Variants in ZMYM2 observed in about 807,000 individuals in gnomAD.
ZMYM2 encodes the protein zinc finger MYM-type containing 2, also known as zinc finger MYM-type protein 2.
A neutral mutation model predicts 162.8 loss-of-function variants in ZMYM2; 56 were observed. That is an observed-to-expected ratio of 0.34 (90% CI 0.28 to 0.43). The LOEUF (loss-of-function observed/expected upper bound fraction) is 0.43. Ranked by LOEUF, ZMYM2 falls within the 20% of genes least tolerant of loss-of-function variation. The pLI, the probability that ZMYM2 is intolerant of heterozygous loss-of-function variation, is 1.00. For synonymous variants in ZMYM2, 510 were observed against 541.6 expected, an observed-to-expected ratio of 0.94 and a Z score of 0.81; for missense variants, 1,275 against 1,621.8, an observed-to-expected ratio of 0.79 and a Z score of 3.67.
the ZMYM2 span, among the ~76,000 whole-genome samples, chr13:19,866,729 C>T: frequency 6.6e-6 from 1 of 151,902 alleles, no homozygotes; most frequent in East Asian, 1.9e-4. Flanking sequence ...GACCCAGTCT[C>T]TACAAAAAAT....
At chr13:19,984,606 C>CT (rs1215455209) in intron 2 of ZMYM2, among the ~76,000 whole-genome samples, 3 of 152,096 alleles carry the variant, frequency 2.0e-5, no homozygotes, top group African/African-American at 7.2e-5. Flanking sequence ...AGAGTGGCGG[C>CT]TACATGGAGT....
the ZMYM2 span, among the ~76,000 whole-genome samples, chr13:19,924,878 C>CT: frequency 9.3e-3 from 1,278 of 136,716 alleles, 15 homozygotes; most frequent in African/African-American, 0.021. Context: ...TTTATTGAAA[C>CT]TTTTTTTTTT....
chr13:19,867,367 GTGT>G, the ZMYM2 span, among the ~76,000 whole-genome samples: 1 of 144,478 alleles, frequency 6.9e-6, no homozygotes, highest in East Asian at 2.0e-4. Flanking sequence ...AAAAAAAAAA[GTGT>G]TGTCTTACAA....
At chr13:19,916,052 G>A in the ZMYM2 span, among the ~76,000 whole-genome samples, 1 of 151,764 alleles carries the variant, frequency 6.6e-6, no homozygotes, top group Non-Finnish European at 1.5e-5. Context: ...TAGCAGAGAT[G>A]AGGTTTCACC....
In ZMYM2 at chr13:19,993,665, A is replaced by G. The variant is rs747447389; in HGVS notation, c.593A>G (p.Asn198Ser). The G allele has an allele frequency of 8.1e-6, 13 of 1,614,052 alleles. No homozygotes were observed. Among genetic ancestry groups the G allele is most frequent in the Non-Finnish European group, 1.1e-5 (13 of 1,179,900 alleles). ...TTAGAAACAGGTGTAAGCTCTGTGA[A>G]TGATGGCCAATTAGAAAATACTGAC... Reference protein sequence around the residue: ...TTLETGVSSVNDGQLENTDGR... With the variant: ...TTLETGVSSVSDGQLENTDGR... The change falls in exon 3 of 25, where the codon AAT becomes AGT. Residue 198 changes from asparagine (N) to serine (S), a missense_variant. Transcript: ENST00000610343.
At chr13:20,054,895 A>T (rs1272552701) in intron 14 of ZMYM2, among the ~76,000 whole-genome samples, 1 of 152,018 alleles carries the variant, frequency 6.6e-6, no homozygotes, top group African/African-American at 2.4e-5. Context: ...GGCATAAGAG[A>T]TTGAGTGACT....
chr13:19,891,255 G>C, the ZMYM2 span, among the ~76,000 whole-genome samples: 1 of 151,844 alleles, frequency 6.6e-6, no homozygotes, highest in Non-Finnish European at 1.5e-5. Flanking sequence ...CATGCACATG[G>C]AGAAGAGGCC....
At chr13:19,958,006 AG>A (rs1177169496), upstream of ZMYM2, among the ~76,000 whole-genome samples, 1 of 152,200 alleles carries the variant, frequency 6.6e-6, no homozygotes, top group Non-Finnish European at 1.5e-5. Flanking sequence ...TTTGGTTTTT[AG>A]GGGGTCCCAA....
At position 20,031,452 on chromosome 13, in the gene ZMYM2, A is replaced by G. The variant is rs777498986; in HGVS notation, c.1968+17A>G. On this transcript the variant is annotated intron_variant, in intron 10 of 24. Coordinates refer to ENST00000610343, the MANE Select transcript of ZMYM2 (RefSeq NM_197968.4). ...GAATGGGAGGCAAGTTGTATTTTGT[A>G]ATGTGTGTTATCTAATGCTAAAAAG... The G allele has an allele frequency of 2.7e-5, 41 of 1,514,902 alleles. 1 individual carries two copies. The South Asian group carries it at 4.7e-4, about 17-fold the overall frequency. 93.8% of individuals were successfully genotyped at this position (1,514,902 alleles called of 1,614,324 possible). A position where few individuals can be genotyped will look rare whatever the true frequency, so the allele number is the denominator to read the frequency against.
intron 12 of ZMYM2, among the ~76,000 whole-genome samples, chr13:20,043,856 G>A (rs1426622984): frequency 6.6e-6 from 1 of 152,122 alleles, no homozygotes; most frequent in Non-Finnish European, 1.5e-5. Flanking sequence ...TGCAGTGTGG[G>A]GAGGGAATGG....
At chr13:19,957,365 G>C (rs1442491858), upstream of ZMYM2, among the ~76,000 whole-genome samples, 1 of 152,218 alleles carries the variant, frequency 6.6e-6, no homozygotes, top group Non-Finnish European at 1.5e-5. Context: ...ATCCATTTGG[G>C]TGGGAAAATA....
the ZMYM2 span, among the ~76,000 whole-genome samples, chr13:19,911,395 A>G: frequency 6.6e-6 from 1 of 151,916 alleles, no homozygotes; most frequent in African/African-American, 2.4e-5. Context: ...CAAACCTAGA[A>G]CCCTAGGAAT....
intron 12 of ZMYM2, among the ~76,000 whole-genome samples, 180 bp from the exon 13 acceptor site, chr13:20,051,253 G>GCTTC (rs369364385): frequency 2.7e-5 from 2 of 74,210 alleles, no homozygotes; most frequent in South Asian, 6.4e-4. Context: ...CTGTGAAATT[G>GCTTC]TATTTTTTTT....
intron 21 of ZMYM2, among the ~76,000 whole-genome samples, chr13:20,079,788 G>C (rs1957793339): frequency 6.6e-6 from 1 of 152,152 alleles, no homozygotes; most frequent in African/African-American, 2.4e-5. Flanking sequence ...TGGGAACTTA[G>C]TTTTTGGTTT....
chr13:20,042,713 T>C (rs259800), intron 12 of ZMYM2, among the ~76,000 whole-genome samples: 15,343 of 151,772 alleles, frequency 0.1, 1,266 homozygotes, highest in African/African-American at 0.22. Flanking sequence ...CCTTTGCTTT[T>C]TATTATTATT....
At chr13:19,947,154 G>A in the ZMYM2 span, among the ~76,000 whole-genome samples, 382 of 152,110 alleles carry the variant, frequency 2.5e-3, 1 homozygote, top group African/African-American at 8.6e-3. Flanking sequence ...CCATTCTCCT[G>A]CCTCCACGCT....
chr13:19,960,266 C>CG (rs1355901003), intron 2 of ZMYM2, among the ~76,000 whole-genome samples: 1 of 152,156 alleles, frequency 6.6e-6, no homozygotes, highest in Non-Finnish European at 1.5e-5. Flanking sequence ...AACCAGACGA[C>CG]GGGCTTCTGC....
At chr13:20,026,356 C>T (rs1472633431) in intron 7 of ZMYM2, 1 of 290,540 alleles carries the variant, frequency 3.4e-6, no homozygotes, top group Non-Finnish European at 6.3e-6. Context: ...TGTAGGGATT[C>T]TGTTAAACTA....
intron 2 of ZMYM2, among the ~76,000 whole-genome samples, chr13:19,962,513 ATATTTTT>A (rs1955340893): frequency 1.7e-5 from 1 of 59,096 alleles, no homozygotes; most frequent in Non-Finnish European, 3.3e-5. Context: ...ATATATATAT[ATATTTTT>A]TTTTTTTTTT....
Sources: gnomAD v4.1 joint callset for allele counts (sites outside exome capture counted in the v4.1 genomes callset) on GRCh38, gnomAD v4.1.1 for gene constraint, MANE v1.5 for transcripts, NCBI Gene and HGNC (gene_info 2026-07-23, HGNC 2026-07-21) for gene names.